The following ARHGAP44 variants were observed in gnomAD, a reference collection of about 807,000 sequenced individuals.
The protein encoded by ARHGAP44 is Rho GTPase activating protein 44.
Under a neutral mutation model 106.8 loss-of-function variants are expected in ARHGAP44, and 43 were observed. That is an observed-to-expected ratio of 0.40 (90% CI 0.32 to 0.52). ARHGAP44 has a LOEUF of 0.52. Ranked by LOEUF, ARHGAP44 falls within the 20% of genes least tolerant of loss-of-function variation. ARHGAP44 has a pLI of 0.48. For synonymous variants in ARHGAP44, 439 were observed against 410.3 expected, an observed-to-expected ratio of 1.07 and a Z score of -0.85; for missense variants, 866 against 1,050.5, an observed-to-expected ratio of 0.82 and a Z score of 2.43.
chr17:12,975,795 CAAAAAAA>C (rs57364760), intron 18 of ARHGAP44, among the ~76,000 whole-genome samples: 230 of 69,408 alleles, frequency 3.3e-3, no homozygotes, highest in African/African-American at 0.013. Context: ...GACTCCGTCT[CAAAAAAA>C]AAAAAAAAAA....
intron 15 of ARHGAP44, among the ~76,000 whole-genome samples, chr17:12,957,786 G>A (rs552199371): frequency 4.6e-5 from 7 of 152,278 alleles, no homozygotes; most frequent in South Asian, 2.1e-4. Context: ...GTACTGTACC[G>A]TATGTTTGGT....
chr17:12,796,419 T>C (rs2033921761), intron 1 of ARHGAP44, among the ~76,000 whole-genome samples: 1 of 152,190 alleles, frequency 6.6e-6, no homozygotes. Flanking sequence ...AATATGTGAA[T>C]TTTTAAGACT....
At position 12,884,789 on chromosome 17, in the gene ARHGAP44, A is replaced by G. The variant is rs148263967; in HGVS notation, c.54-10151A>G. Among the ~76,000 whole-genome samples the G allele has an allele frequency of 1.1e-3, 162 of 152,300 alleles. 3 individuals are homozygous for G. In the East Asian group the frequency reaches 0.028, roughly 26 times the overall value. Reference sequence around the variant, plus strand: ...TTATAAATGAAATCATTCAGTATGTATGAGGCCTTTGGGGACTGGCTTTTT... The same window carrying G: ...TTATAAATGAAATCATTCAGTATGTGTGAGGCCTTTGGGGACTGGCTTTTT... On this transcript the variant is annotated intron_variant, in intron 1 of 20. Coordinates refer to ENST00000379672, the MANE Select transcript of ARHGAP44 (RefSeq NM_014859.6).
At chr17:12,931,881 TATC>T (rs1567694407) in intron 7 of ARHGAP44, among the ~76,000 whole-genome samples, 1 of 137,104 alleles carries the variant, frequency 7.3e-6, no homozygotes. Flanking sequence ...CACACACACA[TATC>T]ATGATTTATT....
chr17:12,951,920 G>A (rs1457879950), intron 12 of ARHGAP44, among the ~76,000 whole-genome samples: 5 of 152,124 alleles, frequency 3.3e-5, no homozygotes, highest in Non-Finnish European at 7.4e-5. Flanking sequence ...AACCTCTGAT[G>A]AAGCTGAGTT....
At chr17:12,793,016 G>A (rs1567616074) in intron 1 of ARHGAP44, among the ~76,000 whole-genome samples, 1 of 152,170 alleles carries the variant, frequency 6.6e-6, no homozygotes, top group Non-Finnish European at 1.5e-5. Flanking sequence ...TCCGTCCTTT[G>A]GGAAGCACTC....
At chr17:12,940,769 C>G (rs1490532298) in intron 7 of ARHGAP44, among the ~76,000 whole-genome samples, 3 of 152,178 alleles carry the variant, frequency 2.0e-5, no homozygotes, top group Non-Finnish European at 4.4e-5. Context: ...ATGGATGGAA[C>G]TAATTTGCAC....
At position 12,868,499 on chromosome 17, in the gene ARHGAP44, A is replaced by G. The variant is rs73292137; in HGVS notation, c.54-26441A>G. Among the ~76,000 whole-genome samples, 121 of 150,496 alleles carry G rather than the reference A, an allele frequency of 8.0e-4. 1 individual carries two copies. The highest frequency in any genetic ancestry group is 2.8e-3 in the African/African-American group (116 of 41,052). On this transcript the variant is annotated intron_variant, in intron 1 of 20. Coordinates refer to ENST00000379672, the MANE Select transcript of ARHGAP44 (RefSeq NM_014859.6). ...TCCAAAACCACATGCAAGATCGTGGAGAAAGTCCATTCTTCACAACCCTAA... is the reference window on the plus strand; with the variant it reads ...TCCAAAACCACATGCAAGATCGTGGGGAAAGTCCATTCTTCACAACCCTAA...
chr17:12,929,910 G>GC (rs1387023610), intron 7 of ARHGAP44, among the ~76,000 whole-genome samples: 36 of 152,122 alleles, frequency 2.4e-4, no homozygotes, highest in Admixed American at 2.4e-3. Flanking sequence ...TTGTCCATAG[G>GC]CTTTTTCTCT....
At chr17:12,967,803 C>T (rs185762867) in intron 16 of ARHGAP44, among the ~76,000 whole-genome samples, 1 of 152,144 alleles carries the variant, frequency 6.6e-6, no homozygotes, top group Non-Finnish European at 1.5e-5. Context: ...AAGAAGCATG[C>T]CATTTCATCT....
intron 1 of ARHGAP44, among the ~76,000 whole-genome samples, chr17:12,868,662 T>A (rs555917653): frequency 3.2e-4 from 47 of 146,740 alleles, no homozygotes; most frequent in Admixed American, 1.5e-3. Context: ...TTTATTTTTT[T>A]AATTTTTTTT....
chr17:12,942,328 G>A (rs1452337691), intron 8 of ARHGAP44, among the ~76,000 whole-genome samples: 3 of 152,122 alleles, frequency 2.0e-5, no homozygotes, highest in Non-Finnish European at 4.4e-5. Flanking sequence ...TGTATTTTTA[G>A]TAGAGTTGTG....
intron 2 of ARHGAP44, among the ~76,000 whole-genome samples, 154 bp from the exon 3 acceptor site, chr17:12,896,253 T>C (rs1344073840): frequency 6.7e-6 from 1 of 149,774 alleles, no homozygotes; most frequent in African/African-American, 2.5e-5. Context: ...GAACTTAAAG[T>C]ATAATTTAAA....
chr17:12,897,969 T>C (rs1271379904), intron 3 of ARHGAP44, among the ~76,000 whole-genome samples: 1 of 152,118 alleles, frequency 6.6e-6, no homozygotes, highest in Non-Finnish European at 1.5e-5. Flanking sequence ...CCTTGAGTGA[T>C]CTGAAGTATA....
At chr17:12,984,068 G>A (rs948321630) in intron 19 of ARHGAP44, among the ~76,000 whole-genome samples, 5 of 152,260 alleles carry the variant, frequency 3.3e-5, no homozygotes, top group East Asian at 1.9e-4. Context: ...TTTCTATCCC[G>A]AGGACCTGCC....
intron 1 of ARHGAP44, among the ~76,000 whole-genome samples, chr17:12,853,242 C>T (rs975530859): frequency 3.9e-5 from 6 of 152,226 alleles, no homozygotes; most frequent in Non-Finnish European, 5.9e-5. Context: ...GCCTCCAGCA[C>T]GGGAGAAGGA....
At chr17:12,798,041 T>C (rs2033976235) in intron 1 of ARHGAP44, among the ~76,000 whole-genome samples, 1 of 152,188 alleles carries the variant, frequency 6.6e-6, no homozygotes, top group South Asian at 2.1e-4. Context: ...TTTTATGTAA[T>C]TATCTTAACA....
intron 1 of ARHGAP44, among the ~76,000 whole-genome samples, chr17:12,857,506 C>G (rs2035945631): frequency 6.6e-6 from 1 of 152,112 alleles, no homozygotes; most frequent in Non-Finnish European, 1.5e-5. Context: ...GGAGCCCCAT[C>G]CTGATGACCT....
intron 1 of ARHGAP44, among the ~76,000 whole-genome samples, chr17:12,861,473 G>A (rs527306549): frequency 1.3e-5 from 2 of 152,002 alleles, no homozygotes; most frequent in South Asian, 4.2e-4. Flanking sequence ...GGGAGAATTA[G>A]TTTCCCTGAC....
Sources: gnomAD v4.1 joint callset for allele counts (sites outside exome capture counted in the v4.1 genomes callset) on GRCh38, gnomAD v4.1.1 for gene constraint, MANE v1.5 for transcripts, NCBI Gene and HGNC (gene_info 2026-07-23, HGNC 2026-07-21) for gene names.